CT47B1: variants seen among roughly 807,000 people sequenced by gnomAD.
CT47B1 encodes cancer/testis CT47 family, member 13.
Under a neutral mutation model 12.8 loss-of-function variants are expected in CT47B1, and 24 were observed. The observed-to-expected ratio is 1.87, with a 90% CI of 1.36 to 2.63. The LOEUF (loss-of-function observed/expected upper bound fraction) is 2.63. CT47B1 is among the 30% of genes most tolerant of loss of function. CT47B1 has a pLI of 0.00. For synonymous variants in CT47B1, 228 were observed against 133.3 expected, an observed-to-expected ratio of 1.71 and a Z score of -4.89; for missense variants, 523 against 271.3, an observed-to-expected ratio of 1.93 and a Z score of -6.52.
intron 2 of CT47B1, 111 bp from the exon 3 acceptor site, chrX:120,872,851 C>G (rs551084863): frequency 9.9e-6 from 1 of 101,488 alleles, no homozygotes; most frequent in Admixed American, 1.0e-4. Context: ...CAGTGACTTT[C>G]TAAATAGAAG....
intron 2 of CT47B1, 60 bp from the exon 3 acceptor site, chrX:120,872,800 A>G (rs1352542871): frequency 9.8e-6 from 1 of 101,739 alleles, no homozygotes; most frequent in African/African-American, 3.3e-5. Flanking sequence ...CTGTGGGATG[A>G]AATGAGAGAA....
intron 2 of CT47B1, among the ~76,000 whole-genome samples, chrX:120,873,319 C>T (rs1168216405): frequency 6.0e-5 from 6 of 100,478 alleles, no homozygotes; most frequent in African/African-American, 2.0e-4. Flanking sequence ...TTTCATCTGA[C>T]TGTGACATAA....
Position 120,875,089 on chromosome X carries a change from C to A in CT47B1, c.582G>T (p.Ala194=). The A allele has an allele frequency of 8.3e-7, 1 of 1,209,781 alleles. No homozygotes were observed. The highest frequency in any genetic ancestry group is 1.8e-5 in the South Asian group (1 of 56,927). ...GEGLGLIQEA[A]SVQEAASVPE... is the part of the protein sequence containing the mutation. ...GGACCGACGCGGCCTCCTGGACCGA[C>A]GCAGCCTCCTGGATCAGGCCGAGGC... Residue 194 remains alanine, a synonymous_variant, in exon 1 of 3, where the codon GCG becomes GCT. Transcript: ENST00000371311.
At position 120,875,047 on chromosome X, in the gene CT47B1, T is replaced by C; in HGVS notation, c.624A>G (p.Pro208=). Residue 208 remains proline, a synonymous_variant, in exon 1 of 3, where the codon CCA becomes CCG. Coordinates refer to ENST00000371311, the MANE Select transcript of CT47B1 (RefSeq NM_001145718.3). ...EAASVPEPAV[P]ADLAEMAREP... ...CCCTGGCCATCTCGGCCAGGTCAGC[T>C]GGCACTGCAGGCTCTGGGACCGACG... 2 of 1,209,889 alleles carry C rather than the reference T, an allele frequency of 1.7e-6. No homozygotes were observed. The highest frequency in any genetic ancestry group is 1.8e-5 in the South Asian group (1 of 56,944).
rs1367019199 is a variant in CT47B1, at chrX:120,875,763, C to T, written c.-93G>A. On this transcript the variant is annotated 5_prime_UTR_variant, in exon 1 of 3. Transcript: ENST00000371311. ...TGAGGTGGCTACGGCCGAGGGGAGG[C>T]GAGGAGCTGGCCGCTGAGGGAATAA... 5 of 541,712 alleles carry T rather than the reference C, an allele frequency of 9.2e-6. No individual in the cohort carries two copies. The highest frequency in any genetic ancestry group is 1.1e-5 in the Non-Finnish European group (4 of 371,865). The allele number at this position is 541,712 out of a possible 1,213,427, so 44.6% of individuals were successfully genotyped here. A position where few individuals can be genotyped will look rare whatever the true frequency, so the allele number is the denominator to read the frequency against.
In CT47B1 at chrX:120,875,035, G is replaced by C. The variant is rs772664557; in HGVS notation, c.636C>G (p.Ala212=). The C allele has an allele frequency of 1.6e-5, 19 of 1,208,291 alleles. 1 individual carries two copies. The East Asian group carries it at 4.7e-4, about 30-fold the overall frequency. The change falls in exon 1 of 3, where the codon GCC becomes GCG. Residue 212 remains alanine, a synonymous_variant. Coordinates refer to ENST00000371311, the MANE Select transcript of CT47B1 (RefSeq NM_001145718.3). ...VPEPAVPADL[A]EMAREPAEEA... is the part of the protein sequence containing the mutation. ...CCTCCGCGGGCTCCCTGGCCATCTC[G>C]GCCAGGTCAGCTGGCACTGCAGGCT... is the stretch of plus-strand genomic sequence containing the variant.
In CT47B1 at chrX:120,875,188, G is replaced by A. The variant is rs1233380355; in HGVS notation, c.483C>T (p.Asn161=). The A allele has an allele frequency of 4.1e-6, 5 of 1,210,053 alleles. 1 individual carries two copies. The African/African-American group carries it at 5.2e-5, about 13-fold the overall frequency. The change falls in exon 1 of 3, where the codon AAC becomes AAT. Residue 161 remains asparagine, a synonymous_variant. Coordinates refer to ENST00000371311, the MANE Select transcript of CT47B1 (RefSeq NM_001145718.3). ...GCAGCAGGGGAGGGTTGTCCCAGAG[G>A]TTGGGCACAGCAGCGTGGGGCCCCA... is the stretch of plus-strand genomic sequence containing the variant. ...LMVGPHAAVP[N]LWDNPPLLLL... is the part of the protein sequence containing the mutation.
Position 120,875,326 on chromosome X carries a change from G to T in CT47B1, c.345C>A (p.Tyr115Ter). Reference sequence around the variant, plus strand: ...ACACGAAGCCAATGCCCGCCGCCGGGTACCGACGGGTGGCCACCGCCAAGT... The same window carrying T: ...ACACGAAGCCAATGCCCGCCGCCGGTTACCGACGGGTGGCCACCGCCAAGT... ...NFDLAVATRR[Y>*]PAAGIGFVFL... is the part of the protein sequence containing the mutation. Residue 115 changes from tyrosine to a stop codon, truncating the protein, a stop_gained, in exon 1 of 3, where the codon TAC becomes TAA. Transcript: ENST00000371311. LOFTEE classifies it high-confidence loss of function. 2 of 1,210,877 alleles carry T rather than the reference G, an allele frequency of 1.7e-6. No homozygotes were observed. Among genetic ancestry groups the T allele is most frequent in the Non-Finnish European group, 2.2e-6 (2 of 894,714 alleles).
At chrX:120,873,265 T>C (rs1486852527) in intron 2 of CT47B1, among the ~76,000 whole-genome samples, 5 of 101,088 alleles carry the variant, frequency 4.9e-5, no homozygotes, top group African/African-American at 1.7e-4. Context: ...AAGACAGATA[T>C]ACCTTAAGAC....
Position 120,875,441 on chromosome X carries a change from T to G in CT47B1, c.230A>C (p.Gln77Pro). 1 of 1,207,474 alleles carries G rather than the reference T, an allele frequency of 8.3e-7. No individual in the cohort carries two copies. Residue 77 changes from glutamine (Q) to proline (P), a missense_variant, in exon 1 of 3, where the codon CAG (glutamine) becomes CCG (proline). By Grantham distance (76) the Gln-to-Pro change is moderately conservative. Coordinates refer to ENST00000371311, the MANE Select transcript of CT47B1 (RefSeq NM_001145718.3). ...TGAGTCCTCCTCGGCGCTCCCGCCC[T>G]GGGGGACTGCGGCCAGGCCTGCCGC... ...EQAAGLAAVPQGGSAEEDSDI... is the reference protein window; with the variant it reads ...EQAAGLAAVPPGGSAEEDSDI...
In CT47B1 at chrX:120,874,994, T is replaced by A; in HGVS notation, c.677A>T (p.Lys226Ile). The A allele has an allele frequency of 8.3e-7, 1 of 1,210,016 alleles. No individual in the cohort carries two copies. The highest frequency in any genetic ancestry group is 1.1e-6 in the Non-Finnish European group (1 of 894,767). ...REPAEEAADE[K>I]PPEEAAEEKL... Reference sequence around the variant, plus strand: ...CTCCTCTGCGGCCTCCTCTGGGGGTTTCTCATCTGCGGCCTCCTCCGCGGG... The same window carrying A: ...CTCCTCTGCGGCCTCCTCTGGGGGTATCTCATCTGCGGCCTCCTCCGCGGG... Residue 226 changes from lysine (K) to isoleucine (I), a missense_variant, in exon 1 of 3, where the codon AAA (lysine) becomes ATA (isoleucine). Lys to Ile is a moderately radical substitution (Grantham distance 102). Transcript: ENST00000371311.
At chrX:120,874,618 C>A (rs1236081635) in intron 1 of CT47B1, among the ~76,000 whole-genome samples, 1 of 111,105 alleles carries the variant, frequency 9.0e-6, no homozygotes, top group African/African-American at 3.3e-5. Flanking sequence ...TGCAGGCTCG[C>A]AAATGGCATC....
rs748144126 is a variant in CT47B1, at chrX:120,875,277, G to C, written c.394C>G (p.Leu132Val). The C allele has an allele frequency of 8.7e-5, 105 of 1,210,346 alleles. No homozygotes were observed. In the Middle Eastern group the frequency reaches 1.4e-3, roughly 16 times the overall value. The change falls in exon 1 of 3, where the codon CTC (leucine) becomes GTC (valine). Residue 132 changes from leucine (L) to valine (V), a missense_variant. By Grantham distance (32) the Leu-to-Val change is conservative. Transcript: ENST00000371311. ...FVFLYLVHSL[L>V]RRLYHNDHIQ... Reference sequence around the variant, plus strand: ...TGGTCGTTGTGATAGAGGCGGCGGAGAAGGGAGTGGACCAGGTACAGGAAC... The same window carrying C: ...TGGTCGTTGTGATAGAGGCGGCGGACAAGGGAGTGGACCAGGTACAGGAAC...
At position 120,875,819 on chromosome X, in the gene CT47B1, T is replaced by C. The variant is rs1311771413; in HGVS notation, c.-149A>G. On this transcript the variant is annotated 5_prime_UTR_variant, in exon 1 of 3. Coordinates refer to ENST00000371311, the MANE Select transcript of CT47B1 (RefSeq NM_001145718.3). ...TTTCTCTTTATTGAGGAAATAAGAG[T>C]CTGTCTCAGAGGACACCCTAAGGTG... 3 of 676,048 alleles carry C rather than the reference T, an allele frequency of 4.4e-6. No homozygotes were observed. The highest frequency in any genetic ancestry group is 4.0e-6 in the Non-Finnish European group (2 of 504,715). The allele number at this position is 676,048 out of a possible 1,213,427, so 55.7% of individuals were successfully genotyped here.
intron 1 of CT47B1, 24 bp downstream of exon 1, chrX:120,874,872 C>A (rs749393495): frequency 1.7e-6 from 2 of 1,205,862 alleles, no homozygotes; most frequent in Non-Finnish European, 2.2e-6. Flanking sequence ...CCCGCTTCCC[C>A]GCTGCTGCCG....
Position 120,875,156 on chromosome X carries a change from G to A in CT47B1, c.515C>T (p.Ser172Phe). 3 of 1,210,980 alleles carry A rather than the reference G, an allele frequency of 2.5e-6. No homozygotes were observed. Among genetic ancestry groups the A allele is most frequent in the South Asian group, 1.8e-5 (1 of 56,970 alleles). The part of the protein sequence containing the change: ...LWDNPPLLLL[S>F]QRLGAGAAAP... ...TGCAGCCCCTGCACCCAGCCTCTGG[G>A]ACAGCAGCAGCAGGGGAGGGTTGTC... Residue 172 changes from serine to phenylalanine, a missense_variant, in exon 1 of 3, where the codon TCC becomes TTC. Coordinates refer to ENST00000371311, the MANE Select transcript of CT47B1 (RefSeq NM_001145718.3).
In CT47B1 at chrX:120,875,705, G is replaced by A. The variant is rs1438769519; in HGVS notation, c.-35C>T. On this transcript the variant is annotated 5_prime_UTR_variant, in exon 1 of 3. Coordinates refer to ENST00000371311, the MANE Select transcript of CT47B1 (RefSeq NM_001145718.3). Reference sequence around the variant, plus strand: ...AGCGCCTCAACTGGGGTGGCGAGCGGGCTGAGGCGACCACGGTGAAGACGG... The same window carrying A: ...AGCGCCTCAACTGGGGTGGCGAGCGAGCTGAGGCGACCACGGTGAAGACGG... 7.6e-6 allele frequency: 5 copies of A among 655,720 alleles called. No homozygotes were observed. Among genetic ancestry groups the A allele is most frequent in the Non-Finnish European group, 1.1e-5 (5 of 466,728 alleles). The allele number at this position is 655,720 out of a possible 1,213,427, so 54.0% of individuals were successfully genotyped here. A position where few individuals can be genotyped will look rare whatever the true frequency, so the allele number is the denominator to read the frequency against.
chrX:120,875,289 C>A lies in CT47B1; in HGVS notation c.382G>T (p.Val128Phe). The change falls in exon 1 of 3, where the codon GTC (valine) becomes TTC (phenylalanine). Residue 128 changes from valine to phenylalanine, a missense_variant. Coordinates refer to ENST00000371311, the MANE Select transcript of CT47B1 (RefSeq NM_001145718.3). The part of the protein sequence containing the change: ...AGIGFVFLYL[V>F]HSLLRRLYHN... ...TAGAGGCGGCGGAGAAGGGAGTGGA[C>A]CAGGTACAGGAACACGAAGCCAATG... 5 of 1,211,373 alleles carry A rather than the reference C, an allele frequency of 4.1e-6. No homozygotes were observed. The highest frequency in any genetic ancestry group is 2.2e-6 in the Non-Finnish European group (2 of 894,885).
rs756164645 is a variant in CT47B1, at chrX:120,875,461, T to G, written c.210A>C (p.Ala70=). 5.0e-6 allele frequency: 6 copies of G among 1,203,258 alleles called. No individual in the cohort carries two copies. Among genetic ancestry groups the G allele is most frequent in the Non-Finnish European group, 6.7e-6 (6 of 893,730 alleles). ...GLGEEEGEQA[A]GLAAVPQGGS... ...CGCCCTGGGGGACTGCGGCCAGGCCTGCCGCCTGCTCACCCTCCTCCTCCC... is the reference window on the plus strand; with the variant it reads ...CGCCCTGGGGGACTGCGGCCAGGCCGGCCGCCTGCTCACCCTCCTCCTCCC... The change falls in exon 1 of 3, where the codon GCA becomes GCC. Residue 70 remains alanine, a synonymous_variant. Transcript: ENST00000371311.
Sources: gnomAD v4.1 joint callset for allele counts (sites outside exome capture counted in the v4.1 genomes callset) on GRCh38, gnomAD v4.1.1 for gene constraint, MANE v1.5 for transcripts, NCBI Gene and HGNC (gene_info 2026-07-23, HGNC 2026-07-21) for gene names.